ENPP1: variants seen among roughly 807,000 people sequenced by gnomAD.
The protein encoded by ENPP1 is ectonucleotide pyrophosphatase/phosphodiesterase family member 1.
Under a neutral mutation model 122.8 loss-of-function variants are expected in ENPP1, and 73 were observed. The observed-to-expected ratio is 0.59, with a 90% CI of 0.49 to 0.72. The LOEUF (loss-of-function observed/expected upper bound fraction) is 0.72, where lower values mean the gene tolerates loss of function less well. Ranked by LOEUF, ENPP1 falls within the 30% of genes least tolerant of loss-of-function variation. The pLI is 0.00. For missense variants in ENPP1, 978 were observed against 1,128.1 expected (o/e 0.87, Z 1.91); for synonymous variants, 367 against 391.6 (o/e 0.94, Z 0.74).
At chr6:131,860,978 T>G (rs1173503435) in intron 8 of ENPP1, among the ~76,000 whole-genome samples, 1 of 152,158 alleles carries the variant, frequency 6.6e-6, no homozygotes, top group African/African-American at 2.4e-5. Flanking sequence ...TTAAAAAAAT[T>G]TTTTAAAAAT....
chr6:131,865,435 T>C (rs1236969148), intron 11 of ENPP1, among the ~76,000 whole-genome samples: 1 of 152,188 alleles, frequency 6.6e-6, no homozygotes, highest in Non-Finnish European at 1.5e-5. Flanking sequence ...TACGTGATTT[T>C]GTTGAATATT....
At chr6:131,845,929 A>G (rs185195764) in intron 1 of ENPP1, among the ~76,000 whole-genome samples, 8 of 152,316 alleles carry the variant, frequency 5.3e-5, no homozygotes, top group Non-Finnish European at 7.3e-5. Flanking sequence ...ACACACACAA[A>G]GAAAAACACA....
Position 131,860,378 on chromosome 6 carries a change from CT to C in ENPP1, c.796-3del. ...ACAACTTGCATATAATCTGTTTTAT[CT>C]TTTTTAGGGATTGTATCCAGAATCT... On this transcript the variant is annotated splice_region_variant and splice_polypyrimidine_tract_variant and intron_variant, in intron 7 of 24. Coordinates refer to ENST00000647893, the MANE Select transcript of ENPP1 (RefSeq NM_006208.3). 6.3e-7 allele frequency: 1 copy of C among 1,590,608 alleles called. No individual in the cohort carries two copies. Among genetic ancestry groups the C allele is most frequent in the Non-Finnish European group, 8.6e-7 (1 of 1,160,204 alleles).
At chr6:131,843,231 G>T (rs1781763470) in intron 1 of ENPP1, among the ~76,000 whole-genome samples, 1 of 152,124 alleles carries the variant, frequency 6.6e-6, no homozygotes, top group South Asian at 2.1e-4. Context: ...TAGGTGTTTT[G>T]TAACAAAGTA....
In ENPP1 at chr6:131,892,670, G is replaced by T. The variant is rs960299389; in HGVS notation, c.*2159G>T. 6.6e-6 allele frequency: 1 copy of T among 152,080 alleles called. No individual in the cohort carries two copies. The highest frequency in any genetic ancestry group is 1.5e-5 in the Non-Finnish European group (1 of 68,032). The allele number at this position is 152,080 out of a possible 1,614,324, so 9.4% of individuals were successfully genotyped here. A position where few individuals can be genotyped will look rare whatever the true frequency, so the allele number is the denominator to read the frequency against. Reference sequence around the variant, plus strand: ...GCATCTTAGCAGAGCTTAATTAAATGGATAGATGCCTGTTCCCTTTGCTGG... The same window carrying T: ...GCATCTTAGCAGAGCTTAATTAAATTGATAGATGCCTGTTCCCTTTGCTGG... On this transcript the variant is annotated 3_prime_UTR_variant, in exon 25 of 25. Coordinates refer to ENST00000647893, the MANE Select transcript of ENPP1 (RefSeq NM_006208.3).
intron 20 of ENPP1, 21 bp from the exon 21 acceptor site, chr6:131,882,324 C>A: frequency 6.4e-7 from 1 of 1,553,588 alleles, no homozygotes; most frequent in Non-Finnish European, 8.6e-7. Context: ...TCTGAGAGTT[C>A]TTCTCATTTT....
intron 24 of ENPP1, 43 bp downstream of exon 24, chr6:131,886,767 G>A: frequency 6.4e-7 from 1 of 1,562,036 alleles, no homozygotes; most frequent in Non-Finnish European, 8.8e-7. Flanking sequence ...TGAAAATCTA[G>A]ACATATGCAT....
At chr6:131,827,914 G>T in intron 1 of ENPP1, 2 of 1,201,406 alleles carry the variant, frequency 1.7e-6, no homozygotes, top group South Asian at 1.2e-5. Flanking sequence ...TTCTGACAGG[G>T]TGCAGGTGGT....
chr6:131,852,663 G>A (rs1477568121), intron 5 of ENPP1, among the ~76,000 whole-genome samples: 2 of 152,086 alleles, frequency 1.3e-5, no homozygotes, highest in Non-Finnish European at 2.9e-5. Flanking sequence ...AAAAAAGAGA[G>A]GCCATGAATA....
chr6:131,829,221 C>T (rs1239287768), intron 1 of ENPP1, among the ~76,000 whole-genome samples: 1 of 152,222 alleles, frequency 6.6e-6, no homozygotes, highest in Non-Finnish European at 1.5e-5. Flanking sequence ...AACTGCTTTC[C>T]TCCCTTTCCT....
intron 1 of ENPP1, among the ~76,000 whole-genome samples, chr6:131,824,121 T>C (rs190980462): frequency 7.5e-4 from 114 of 152,186 alleles, no homozygotes; most frequent in African/African-American, 2.6e-3. Flanking sequence ...TTAGGTTTTA[T>C]CTGAAGGGAC....
chr6:131,823,416 A>G (rs1226463275), intron 1 of ENPP1, among the ~76,000 whole-genome samples: 2 of 152,118 alleles, frequency 1.3e-5, no homozygotes, highest in East Asian at 3.9e-4. Context: ...GTTTCAGTCA[A>G]CTGCTGCTGT....
intron 1 of ENPP1, among the ~76,000 whole-genome samples, chr6:131,834,190 T>C (rs1361078184): frequency 6.6e-6 from 1 of 152,228 alleles, no homozygotes; most frequent in African/African-American, 2.4e-5. Context: ...AGTAAAGAAG[T>C]GATTTGCCCA....
At chr6:131,874,839 TATAC>T (rs796318817) in intron 16 of ENPP1, among the ~76,000 whole-genome samples, 2,263 of 130,430 alleles carry the variant, frequency 0.017, 56 homozygotes, top group African/African-American at 0.087. Flanking sequence ...TATATATATA[TATAC>T]ACACACACAC....
chr6:131,879,797 G>A (rs1383986713), intron 19 of ENPP1, 83 bp from the exon 20 acceptor site: 14 of 1,234,764 alleles, frequency 1.1e-5, no homozygotes, highest in Non-Finnish European at 3.6e-6. Flanking sequence ...ATTAAGTAGA[G>A]GAAAGGATTA....
chr6:131,875,155 C>T (rs2114717981), intron 16 of ENPP1, among the ~76,000 whole-genome samples: 1 of 152,286 alleles, frequency 6.6e-6, no homozygotes, highest in South Asian at 2.1e-4. Flanking sequence ...GCTCAGACTT[C>T]ACCACTGTGC....
chr6:131,812,771 G>C (rs1248706975), intron 1 of ENPP1, among the ~76,000 whole-genome samples: 2 of 152,136 alleles, frequency 1.3e-5, no homozygotes, highest in African/African-American at 2.4e-5. Flanking sequence ...TACATGAAAG[G>C]TATACATTGA....
chr6:131,809,088 G>A (rs1176548433), intron 1 of ENPP1, among the ~76,000 whole-genome samples: 2 of 152,096 alleles, frequency 1.3e-5, no homozygotes, highest in African/African-American at 2.4e-5. Context: ...AATTTCTAAT[G>A]TGTGAAAATG....
rs1585797248 is a variant in ENPP1 at position 131,827,068 on chromosome 6, G to C, written c.240+18793G>C. The C allele has an allele frequency of 6.5e-6, 4 of 613,216 alleles. No individual in the cohort carries two copies. The East Asian group carries it at 1.3e-4, about 20-fold the overall frequency. 38.0% of individuals were successfully genotyped at this position (613,216 alleles called of 1,614,324 possible). ...ACGGCAGACGGCAGCTTCACCTCCA[G>C]GGTCTGCTCCAGGCTTAGCACCTCC... On this transcript the variant is annotated intron_variant, in intron 1 of 24. Transcript: ENST00000647893.
Sources: allele counts gnomAD v4.1 joint callset (sites outside exome capture counted in the v4.1 genomes callset), GRCh38; gene constraint gnomAD v4.1.1; transcripts MANE v1.5; gene names NCBI Gene and HGNC (gene_info 2026-07-23, HGNC 2026-07-21).